PDE1A: variants seen among roughly 807,000 people sequenced by gnomAD.
The protein encoded by PDE1A is phosphodiesterase 1A.
Under a neutral mutation model 61.7 loss-of-function variants are expected in PDE1A, and 35 were observed. The ratio of observed to expected loss-of-function variants is 0.57; its 90% CI spans 0.43 to 0.75. PDE1A has a LOEUF of 0.75. Ranked by LOEUF, PDE1A falls within the 30% of genes least tolerant of loss-of-function variation. PDE1A has a pLI of 0.00. For missense variants in PDE1A, 597 were observed against 630.6 expected (o/e 0.95, Z 0.57); for synonymous variants, 232 against 213.2 (o/e 1.09, Z -0.77).
At chr2:182,390,005 G>C (rs1049940362) in intron 1 of PDE1A, among the ~76,000 whole-genome samples, 1 of 152,166 alleles carries the variant, frequency 6.6e-6, no homozygotes, top group African/African-American at 2.4e-5. Flanking sequence ...TGATCTGTCA[G>C]CTTCCCTACC....
the PDE1A span, among the ~76,000 whole-genome samples, chr2:182,673,600 A>G: frequency 1.3e-5 from 2 of 152,112 alleles, no homozygotes; most frequent in African/African-American, 4.8e-5. Flanking sequence ...AACATTTTAA[A>G]TAAGTAATTT....
At chr2:182,214,856 C>T (rs1485497015) in intron 7 of PDE1A, among the ~76,000 whole-genome samples, 4 of 70,344 alleles carry the variant, frequency 5.7e-5, no homozygotes, top group African/African-American at 1.2e-4. Flanking sequence ...GACAGATCAA[C>T]GAGACAGAAA....
At chr2:182,315,106 CTTGA>C (rs1284842663) in intron 1 of PDE1A, among the ~76,000 whole-genome samples, 1 of 152,030 alleles carries the variant, frequency 6.6e-6, no homozygotes, top group Non-Finnish European at 1.5e-5. Context: ...AATAATACTC[CTTGA>C]TTAATTCTTA....
the PDE1A span, among the ~76,000 whole-genome samples, chr2:182,531,301 T>TA: frequency 6.6e-6 from 1 of 151,012 alleles, no homozygotes; most frequent in South Asian, 2.1e-4. Flanking sequence ...ACATTAAATG[T>TA]AAATGATCTA....
chr2:182,384,879 A>T (rs996688265), intron 1 of PDE1A, among the ~76,000 whole-genome samples: 13 of 152,176 alleles, frequency 8.5e-5, no homozygotes, highest in African/African-American at 3.1e-4. Flanking sequence ...TTATAATCAA[A>T]CTGTCAAAAA....
chr2:182,171,489 G>A (rs980145837), intron 13 of PDE1A, among the ~76,000 whole-genome samples: 13 of 151,890 alleles, frequency 8.6e-5, no homozygotes, highest in Non-Finnish European at 1.2e-4. Flanking sequence ...GAAGCAGAAT[G>A]AGAAGAGAGA....
intron 2 of PDE1A, among the ~76,000 whole-genome samples, chr2:182,512,786 C>A (rs1045666944): frequency 6.6e-6 from 1 of 152,128 alleles, no homozygotes; most frequent in Non-Finnish European, 1.5e-5. Flanking sequence ...GAAAAACTCA[C>A]TACAAGAATA....
At chr2:182,460,626 C>A (rs1408499543) in intron 2 of PDE1A, among the ~76,000 whole-genome samples, 1 of 152,064 alleles carries the variant, frequency 6.6e-6, no homozygotes, top group Non-Finnish European at 1.5e-5. Flanking sequence ...TGTATGAAAC[C>A]AGAGTTCAAG....
chr2:182,646,322 C>T, the PDE1A span, among the ~76,000 whole-genome samples: 1 of 145,678 alleles, frequency 6.9e-6, no homozygotes, highest in Admixed American at 7.1e-5. Context: ...CATAGTGGTG[C>T]GTACCTGTAG....
chr2:182,182,051 G>A (rs1684809485), intron 13 of PDE1A, among the ~76,000 whole-genome samples: 1 of 152,124 alleles, frequency 6.6e-6, no homozygotes, highest in Non-Finnish European at 1.5e-5. Context: ...CATGAACAAT[G>A]CTGCTGTGAA....
At chr2:182,552,184 G>A in the PDE1A span, among the ~76,000 whole-genome samples, 1 of 152,190 alleles carries the variant, frequency 6.6e-6, no homozygotes, top group Non-Finnish European at 1.5e-5. Flanking sequence ...TATTGGGCCT[G>A]AGTATCACTT....
At chr2:182,631,684 A>G in the PDE1A span, among the ~76,000 whole-genome samples, 1 of 152,258 alleles carries the variant, frequency 6.6e-6, no homozygotes, top group Non-Finnish European at 1.5e-5. Context: ...TTTCTATTTA[A>G]CAGGCATTAA....
At chr2:182,432,845 G>A (rs1704024746) in intron 2 of PDE1A, among the ~76,000 whole-genome samples, 1 of 151,908 alleles carries the variant, frequency 6.6e-6, no homozygotes, top group African/African-American at 2.4e-5. Context: ...CTGCAACTAT[G>A]TCCCTTGTCT....
chr2:182,390,374 C>T lies in PDE1A; in HGVS notation c.53+36204G>A, dbSNP rs139696700. 7.9e-3 allele frequency among the ~76,000 whole-genome samples: 1,205 copies of T among 152,284 alleles called. 8 individuals are homozygous for T. The highest frequency in any genetic ancestry group is 0.019 in the South Asian group (91 of 4,828). On this transcript the variant is annotated intron_variant, in intron 1 of 13. Coordinates refer to ENST00000351439, the Ensembl canonical transcript of PDE1A. ...TTTAGAGAGTTATACAAAATAAATG[C>T]ATTTGATACTTCTGAATCATCACTT... is the stretch of plus-strand genomic sequence containing the variant.
chr2:182,454,867 T>TCATGTCTGAAA (rs1288984719), intron 2 of PDE1A, among the ~76,000 whole-genome samples: 1 of 131,290 alleles, frequency 7.6e-6, no homozygotes, highest in Admixed American at 7.6e-5. Context: ...GGCAAGGACT[T>TCATGTCTGAAA]CACAAAAGCA....
intron 1 of PDE1A, among the ~76,000 whole-genome samples, chr2:182,397,543 T>A (rs1701777111): frequency 6.6e-6 from 1 of 152,144 alleles, no homozygotes; most frequent in Admixed American, 6.5e-5. Flanking sequence ...ATGTCAGACA[T>A]GAGAAAAAAT....
intron 13 of PDE1A, among the ~76,000 whole-genome samples, chr2:182,148,940 G>C (rs1195972954): frequency 6.6e-6 from 1 of 151,204 alleles, no homozygotes; most frequent in African/African-American, 2.4e-5. Context: ...TCAGTGACCT[G>C]AGCTTTTCAT....
chr2:182,152,613 G>T (rs1574502061), intron 13 of PDE1A, among the ~76,000 whole-genome samples: 5 of 151,718 alleles, frequency 3.3e-5, no homozygotes, highest in Admixed American at 3.3e-4. Flanking sequence ...TAGAGACGGG[G>T]TTTCGCCATG....
At chr2:182,461,632 G>A (rs1686294418) in intron 2 of PDE1A, among the ~76,000 whole-genome samples, 1 of 152,126 alleles carries the variant, frequency 6.6e-6, no homozygotes, top group African/African-American at 2.4e-5. Flanking sequence ...ACAGCGTCCT[G>A]TATGTTGCAA....
Sources: gnomAD v4.1 joint callset for allele counts (sites outside exome capture counted in the v4.1 genomes callset) on GRCh38, gnomAD v4.1.1 for gene constraint, MANE v1.5 for transcripts, NCBI Gene and HGNC (gene_info 2026-07-23, HGNC 2026-07-21) for gene names.